Variants in GALNT2 observed in about 807,000 individuals in gnomAD.
GALNT2 encodes UDP-GalNAc:polypeptide N-acetylgalactosaminyltransferase 2.
In GALNT2, 31 loss-of-function variants were observed where a neutral mutation model predicts 81.4. That is an observed-to-expected ratio of 0.38 (90% CI 0.29 to 0.51). GALNT2 has a LOEUF of 0.51. GALNT2 is among the 20% of genes least tolerant of loss of function. GALNT2 has a pLI of 0.87. For synonymous variants in GALNT2, 303 were observed against 287.4 expected, an observed-to-expected ratio of 1.05 and a Z score of -0.55; for missense variants, 629 against 765.7, an observed-to-expected ratio of 0.82 and a Z score of 2.11.
chr1:230,199,184 A>G (rs563645164), intron 2 of GALNT2, among the ~76,000 whole-genome samples: 20 of 152,048 alleles, frequency 1.3e-4, no homozygotes, highest in Non-Finnish European at 2.8e-4. Flanking sequence ...TAGGAAGGCA[A>G]TATATTCAGA....
chr1:230,214,115 CTTT>C (rs60360198), intron 3 of GALNT2, among the ~76,000 whole-genome samples: 3 of 145,214 alleles, frequency 2.1e-5, no homozygotes, highest in Non-Finnish European at 4.5e-5. Flanking sequence ...CTTAACTTTA[CTTT>C]TTTTTTTTTT....
chr1:230,124,129 A>T (rs573784435), intron 1 of GALNT2, among the ~76,000 whole-genome samples: 1 of 152,336 alleles, frequency 6.6e-6, no homozygotes, highest in East Asian at 1.9e-4. Context: ...AAGTAAAGAC[A>T]TTGTCATTAG....
At chr1:230,113,587 G>C (rs1428563457) in intron 1 of GALNT2, among the ~76,000 whole-genome samples, 1 of 152,114 alleles carries the variant, frequency 6.6e-6, no homozygotes, top group African/African-American at 2.4e-5. Flanking sequence ...CATGCAAAGT[G>C]CTCAAGAAGT....
At chr1:230,077,226 A>T (rs1181372383) in intron 1 of GALNT2, among the ~76,000 whole-genome samples, 1 of 152,040 alleles carries the variant, frequency 6.6e-6, no homozygotes, top group African/African-American at 2.4e-5. Flanking sequence ...CTTGACCTAG[A>T]TGTTGAGCTT....
At chr1:230,095,035 C>T (rs964524595) in intron 1 of GALNT2, among the ~76,000 whole-genome samples, 1 of 152,152 alleles carries the variant, frequency 6.6e-6, no homozygotes, top group Non-Finnish European at 1.5e-5. Flanking sequence ...CTGTTACAAA[C>T]TGGCCCTTCT....
In GALNT2 at chr1:230,193,434, C is replaced by T. The variant is rs1443282343; in HGVS notation, c.221-9703C>T. On this transcript the variant is annotated intron_variant, in intron 2 of 15. Transcript: ENST00000366672. This position sits in a 1 kb window ranked among gnomAD's most constrained non-coding sequence, Gnocchi z 4.3. ...GCAACTGAGAGTCCTCTAAAGACCG[C>T]ATTTGTGCATGTGCCTGTGCGTGAG... Among the ~76,000 whole-genome samples, 2 of 152,170 alleles carry T rather than the reference C, an allele frequency of 1.3e-5. No individual in the cohort carries two copies. The highest frequency in any genetic ancestry group is 2.4e-5 in the African/African-American group (1 of 41,424).
At chr1:230,260,317 CAAAT>C (rs893480878) in intron 11 of GALNT2, among the ~76,000 whole-genome samples, 5 of 152,000 alleles carry the variant, frequency 3.3e-5, no homozygotes, top group African/African-American at 1.2e-4. Flanking sequence ...GTGTAGATAC[CAAAT>C]AAATACCTGA....
chr1:230,100,864 AATATAC>A (rs58131421), intron 1 of GALNT2, among the ~76,000 whole-genome samples: 64,639 of 151,600 alleles, frequency 0.43, 13,690 homozygotes, highest in South Asian at 0.53. Flanking sequence ...GTGTATGGGA[AATATAC>A]ATGTACACAT....
chr1:230,250,099 C>T (rs558086967), intron 9 of GALNT2, among the ~76,000 whole-genome samples: 41 of 152,274 alleles, frequency 2.7e-4, no homozygotes, highest in African/African-American at 8.7e-4. Flanking sequence ...TTGCAATCCT[C>T]GTAGCTACCC....
At position 230,262,471 on chromosome 1, in the gene GALNT2, C is replaced by T; in HGVS notation, c.1137-102C>T. The T allele has an allele frequency of 4.1e-6, 4 of 966,938 alleles. No individual in the cohort carries two copies. In the South Asian group the frequency reaches 5.8e-5, roughly 14 times the overall value. 59.9% of individuals were successfully genotyped at this position (966,938 alleles called of 1,614,324 possible). On this transcript the variant is annotated intron_variant, in intron 11 of 15. Transcript: ENST00000366672. ...GATCCCAGCTGGAGCTGCTGCACAC[C>T]CAGAGGGAGCCGCCTCAGTCACACG... is the stretch of plus-strand genomic sequence containing the variant.
At chr1:230,140,607 G>T (rs1490330148) in intron 1 of GALNT2, among the ~76,000 whole-genome samples, 2 of 152,246 alleles carry the variant, frequency 1.3e-5, no homozygotes, top group East Asian at 3.8e-4. Context: ...TTCCTGGAGT[G>T]ACGCGCTGCC....
chr1:230,279,366 A>G lies in GALNT2; in HGVS notation c.1624A>G (p.Ser542Gly), dbSNP rs770238687. Residue 542 changes from serine (S) to glycine (G), a missense_variant, in exon 16 of 16, where the codon AGT becomes GGT. By Grantham distance (56) the Ser-to-Gly change is moderately conservative (BLOSUM62 0). Around this residue, in one of 3 missense-constraint regions of GALNT2, gnomAD observed 207 missense variants for 225.5 expected, o/e 0.92. Coordinates refer to ENST00000366672, the MANE Select transcript of GALNT2 (RefSeq NM_004481.5). The surrounding 1 kb of genome is among the most constrained non-coding windows in gnomAD (Gnocchi z 4.6). ...RHVGSNLCLD[S>G]RTAKSGGLSV... ...CGTGGGCAGCAACCTGTGCCTGGAC[A>G]GTCGCACGGCCAAGAGCGGGGGCCT... 5.0e-6 allele frequency: 8 copies of G among 1,614,186 alleles called. No individual in the cohort carries two copies. The highest frequency in any genetic ancestry group is 6.8e-6 in the Non-Finnish European group (8 of 1,180,036).
chr1:230,245,019 G>C (rs1300085222), intron 7 of GALNT2, among the ~76,000 whole-genome samples: 1 of 152,174 alleles, frequency 6.6e-6, no homozygotes, highest in Admixed American at 6.5e-5. Flanking sequence ...TGTCAGCATG[G>C]GGCACAGTCC....
chr1:230,149,027 C>T (rs1662011856), intron 1 of GALNT2, among the ~76,000 whole-genome samples: 1 of 151,746 alleles, frequency 6.6e-6, no homozygotes, highest in Admixed American at 6.6e-5. Flanking sequence ...ACCACAGGCA[C>T]GTACCACCAC....
intron 1 of GALNT2, among the ~76,000 whole-genome samples, chr1:230,167,649 A>G (rs1212735193): frequency 6.6e-6 from 1 of 152,158 alleles, no homozygotes; most frequent in African/African-American, 2.4e-5. Flanking sequence ...CCTTGCGGGG[A>G]TATTGACATG....
intron 1 of GALNT2, among the ~76,000 whole-genome samples, chr1:230,059,294 T>A (rs542277549): frequency 1.3e-5 from 2 of 152,364 alleles, no homozygotes; most frequent in East Asian, 3.9e-4. Flanking sequence ...TACTGTACTA[T>A]ACAGTCAGGA....
intron 11 of GALNT2, chr1:230,258,692 T>C (rs1248550361): frequency 6.6e-6 from 1 of 152,228 alleles, no homozygotes; most frequent in African/African-American, 2.4e-5. Context: ...TCTTCACAAA[T>C]GTTGAAACTT....
chr1:230,225,870 G>C (rs1286079610), intron 3 of GALNT2, among the ~76,000 whole-genome samples: 1 of 152,080 alleles, frequency 6.6e-6, no homozygotes, highest in African/African-American at 2.4e-5. Context: ...GCCTTCAGGG[G>C]CCTTTTCGAA....
chr1:230,090,180 G>A (rs1660022827), intron 1 of GALNT2, among the ~76,000 whole-genome samples: 1 of 152,186 alleles, frequency 6.6e-6, no homozygotes, highest in Non-Finnish European at 1.5e-5. Flanking sequence ...CTGTCACCAA[G>A]ATAGAATGAA....
Sources: gnomAD v4.1 joint callset for allele counts (sites outside exome capture counted in the v4.1 genomes callset) on GRCh38, gnomAD v4.1.1 for gene constraint, gnomAD v4.1.1 regional missense constraint, Gnocchi (gnomAD v3.1) non-coding constraint, MANE v1.5 for transcripts, NCBI Gene and HGNC (gene_info 2026-07-23, HGNC 2026-07-21) for gene names.